Variants in ANO10 observed in about 807,000 individuals in gnomAD.
ANO10 encodes anoctamin 10, also known as anoctamin-10.
ANO10 carries 77 observed loss-of-function variants against 74.7 expected under a neutral mutation model. The ratio of observed to expected loss-of-function variants is 1.03; its 90% CI spans 0.86 to 1.25. The LOEUF (loss-of-function observed/expected upper bound fraction) is 1.25, where lower values mean the gene tolerates loss of function less well. Among genes scored for constraint, ANO10 ranks in the 50% most tolerant of loss-of-function variants. The pLI is 0.00. For synonymous variants in ANO10, 279 were observed against 284.9 expected, an observed-to-expected ratio of 0.98 and a Z score of 0.21; for missense variants, 721 against 778.1, an observed-to-expected ratio of 0.93 and a Z score of 0.87.
chr3:43,524,202 G>C (rs1055494961), intron 11 of ANO10, among the ~76,000 whole-genome samples: 6 of 16,186 alleles, frequency 3.7e-4, no homozygotes, highest in African/African-American at 6.4e-4. Context: ...TAGCCAAAGA[G>C]GTAGGAAGAA....
chr3:43,681,661 T>C (rs1260698732), intron 1 of ANO10, among the ~76,000 whole-genome samples: 3 of 152,270 alleles, frequency 2.0e-5, no homozygotes, highest in Non-Finnish European at 2.9e-5. Context: ...TATTCCAAAA[T>C]TGACCACATA....
chr3:43,578,549 A>G (rs927866085), intron 5 of ANO10, among the ~76,000 whole-genome samples: 3 of 152,190 alleles, frequency 2.0e-5, no homozygotes, highest in African/African-American at 7.2e-5. Context: ...CAGGAGTTCA[A>G]GACCAGCCTG....
At chr3:43,499,194 C>T (rs1275442193) in intron 11 of ANO10, among the ~76,000 whole-genome samples, 1 of 152,104 alleles carries the variant, frequency 6.6e-6, no homozygotes, top group Non-Finnish European at 1.5e-5. Context: ...TGAAAATAAA[C>T]TCGGCAAGTA....
rs865988129 is a variant in ANO10 at position 43,662,678 on chromosome 3, A to T, written c.-12+28839T>A. Among the ~76,000 whole-genome samples, 28 of 152,314 alleles carry T rather than the reference A, an allele frequency of 1.8e-4. 1 individual carries two copies. Among genetic ancestry groups the T allele is most frequent in the African/African-American group, 6.0e-4 (25 of 41,576 alleles). ...CTAGTGAAGAAAAGAGAGAAGAATC[A>T]AATAGATGCAATAAAAAATGATAAA... is the stretch of plus-strand genomic sequence containing the variant. On this transcript the variant is annotated intron_variant, in intron 1 of 3. Coordinates refer to the ANO10 transcript ENST00000413397.
intron 11 of ANO10, among the ~76,000 whole-genome samples, chr3:43,520,257 G>A (rs1443935044): frequency 1.3e-5 from 2 of 152,126 alleles, no homozygotes; most frequent in Admixed American, 1.3e-4. Flanking sequence ...GTGTATGTTA[G>A]TCTATTCAGG....
At chr3:43,492,781 G>A (rs1229877610) in intron 11 of ANO10, among the ~76,000 whole-genome samples, 1 of 152,088 alleles carries the variant, frequency 6.6e-6, no homozygotes, top group Non-Finnish European at 1.5e-5. Flanking sequence ...AAAAAGTCAT[G>A]AAACAACAGA....
At chr3:43,422,054 T>A (rs1165438656) in intron 12 of ANO10, among the ~76,000 whole-genome samples, 1 of 152,216 alleles carries the variant, frequency 6.6e-6, no homozygotes, top group Non-Finnish European at 1.5e-5. Context: ...CAATTATTAA[T>A]CTAATACAGA....
At chr3:43,510,197 G>A (rs1439347586) in intron 11 of ANO10, among the ~76,000 whole-genome samples, 2 of 152,056 alleles carry the variant, frequency 1.3e-5, no homozygotes, top group African/African-American at 2.4e-5. Context: ...ACTGTCGGAG[G>A]CCAAGGCGGA....
intron 11 of ANO10, among the ~76,000 whole-genome samples, chr3:43,496,012 T>C (rs2076901731): frequency 6.6e-6 from 1 of 152,130 alleles, no homozygotes; most frequent in Admixed American, 6.5e-5. Flanking sequence ...GGAAAAATAT[T>C]TTTAAGAGCA....
At chr3:43,486,005 G>T in intron 11 of ANO10, 1 of 259,674 alleles carries the variant, frequency 3.9e-6, no homozygotes, top group Non-Finnish European at 7.5e-6. Context: ...TTTTGAAATG[G>T]CTGCCACAGG....
intron 1 of ANO10, among the ~76,000 whole-genome samples, chr3:43,642,303 T>G (rs2083678780): frequency 6.6e-6 from 1 of 152,250 alleles, no homozygotes; most frequent in Non-Finnish European, 1.5e-5. Context: ...ATATAGTGTT[T>G]CTTTCCTCCT....
intron 1 of ANO10, among the ~76,000 whole-genome samples, chr3:43,653,353 C>CA (rs59316392): frequency 0.054 from 8,192 of 152,138 alleles, 343 homozygotes; most frequent in South Asian, 0.12. Context: ...AAAGAAATGC[C>CA]AATTGAAGCA....
chr3:43,545,493 G>A (rs1377730248), intron 11 of ANO10, among the ~76,000 whole-genome samples: 1 of 152,080 alleles, frequency 6.6e-6, no homozygotes. Flanking sequence ...AGTCTCCCGA[G>A]TAGCTGGGAT....
chr3:43,437,520 G>T (rs1262307457), intron 11 of ANO10, among the ~76,000 whole-genome samples: 2 of 152,168 alleles, frequency 1.3e-5, no homozygotes, highest in African/African-American at 4.8e-5. Context: ...AAATTAGAGG[G>T]CATGTGAACT....
At chr3:43,412,449 C>A (rs967125144) in intron 12 of ANO10, among the ~76,000 whole-genome samples, 4 of 152,196 alleles carry the variant, frequency 2.6e-5, no homozygotes, top group African/African-American at 4.8e-5. Context: ...GCTGAACACA[C>A]CGTTGCCTGC....
At chr3:43,683,568 G>A (rs901039910) in intron 1 of ANO10, among the ~76,000 whole-genome samples, 4 of 151,962 alleles carry the variant, frequency 2.6e-5, no homozygotes, top group African/African-American at 9.7e-5. Flanking sequence ...TCACAGAATT[G>A]GAAAAAAATA....
intron 1 of ANO10, among the ~76,000 whole-genome samples, chr3:43,612,143 TATATATATATATA>T (rs2082856422): frequency 4.1e-4 from 6 of 14,472 alleles, no homozygotes; most frequent in African/African-American, 3.0e-3. Context: ...AAATATTTTA[TATATATATATATA>T]TATATATATA....
Position 43,459,237 on chromosome 3 carries a change from T to C in ANO10, c.1798-26510A>G, listed in dbSNP as rs1333895140. Among the ~76,000 whole-genome samples, 4 of 152,146 alleles carry C rather than the reference T, an allele frequency of 2.6e-5. No individual in the cohort carries two copies. In the East Asian group the frequency reaches 7.7e-4, roughly 29 times the overall value. On this transcript the variant is annotated intron_variant, in intron 11 of 12. Coordinates refer to ENST00000292246, the MANE Select transcript of ANO10 (RefSeq NM_018075.5). Reference sequence around the variant, plus strand: ...AAGTTGTTTTTATCTTTTGTTCTCTTCTTTCGGTAGCCACAACTTGCTCCA... The same window carrying C: ...AAGTTGTTTTTATCTTTTGTTCTCTCCTTTCGGTAGCCACAACTTGCTCCA...
intron 1 of ANO10, among the ~76,000 whole-genome samples, chr3:43,679,702 A>T (rs2084169493): frequency 6.6e-6 from 1 of 152,206 alleles, no homozygotes; most frequent in African/African-American, 2.4e-5. Context: ...GTAGGGGCAG[A>T]CTGTCACTTC....
Sources: allele counts gnomAD v4.1 joint callset (sites outside exome capture counted in the v4.1 genomes callset), GRCh38; gene constraint gnomAD v4.1.1; transcripts MANE v1.5; gene names NCBI Gene and HGNC (gene_info 2026-07-23, HGNC 2026-07-21).